Variants in RBM47 observed in about 807,000 individuals in gnomAD.
The protein encoded by RBM47 is RNA binding motif protein 47.
Under a neutral mutation model 47.1 loss-of-function variants are expected in RBM47, and 21 were observed. The ratio of observed to expected loss-of-function variants is 0.45; its 90% CI spans 0.32 to 0.64. The LOEUF is 0.64. Among genes scored for constraint, RBM47 ranks in the 30% least tolerant of loss-of-function variants. The pLI is 0.05. For missense variants in RBM47, 708 were observed against 870.9 expected (o/e 0.81, Z 2.35); for synonymous variants, 375 against 361.7 (o/e 1.04, Z -0.42).
intron 1 of RBM47, among the ~76,000 whole-genome samples, chr4:40,586,017 C>G (rs1733541945): frequency 6.6e-6 from 1 of 152,226 alleles, no homozygotes; most frequent in South Asian, 2.1e-4. Flanking sequence ...TTGATGGTTT[C>G]AAAGCTACTC....
At chr4:40,617,616 T>C (rs558057784) in intron 1 of RBM47, among the ~76,000 whole-genome samples, 1 of 151,736 alleles carries the variant, frequency 6.6e-6, no homozygotes, top group Admixed American at 6.6e-5. Flanking sequence ...ACATGCTAAA[T>C]ATATTAAATA....
chr4:40,586,422 G>C (rs893996513), intron 1 of RBM47, among the ~76,000 whole-genome samples: 22 of 151,946 alleles, frequency 1.4e-4, no homozygotes, highest in Non-Finnish European at 1.9e-4. Context: ...CCTGGGTGTG[G>C]AGTCAGACTT....
At chr4:40,612,117 T>A (rs949579645) in intron 1 of RBM47, among the ~76,000 whole-genome samples, 18 of 152,186 alleles carry the variant, frequency 1.2e-4, no homozygotes, top group Admixed American at 1.0e-3. Flanking sequence ...GAAAAGTAAA[T>A]ACTGCTTTAA....
At chr4:40,614,671 C>CAA (rs944891449) in intron 1 of RBM47, among the ~76,000 whole-genome samples, 2 of 118,062 alleles carry the variant, frequency 1.7e-5, no homozygotes, top group Non-Finnish European at 1.8e-5. Flanking sequence ...CCCATCTCTA[C>CAA]AAAAAAAAAA....
chr4:40,495,913 T>C (rs1722503346), intron 2 of RBM47, among the ~76,000 whole-genome samples: 1 of 152,190 alleles, frequency 6.6e-6, no homozygotes, highest in Non-Finnish European at 1.5e-5. Context: ...TTTTCACTGA[T>C]TATAGCTGAT....
At chr4:40,598,906 C>A (rs1232311467) in intron 1 of RBM47, among the ~76,000 whole-genome samples, 1 of 150,288 alleles carries the variant, frequency 6.7e-6, no homozygotes, top group Non-Finnish European at 1.5e-5. Flanking sequence ...TATTCATCAT[C>A]CTTGACTTCA....
chr4:40,514,672 G>A (rs1030368099), intron 2 of RBM47: 16 of 152,144 alleles, frequency 1.1e-4, no homozygotes, highest in African/African-American at 3.9e-4. Context: ...ACACCACTGA[G>A]GGAACACAAT....
At chr4:40,546,746 T>C (rs1242701977) in intron 1 of RBM47, among the ~76,000 whole-genome samples, 1 of 152,216 alleles carries the variant, frequency 6.6e-6, no homozygotes. Context: ...GTCCAACCTG[T>C]GTCACGAGTG....
At chr4:40,508,660 T>G (rs1724455632) in intron 2 of RBM47, among the ~76,000 whole-genome samples, 1 of 152,122 alleles carries the variant, frequency 6.6e-6, no homozygotes, top group South Asian at 2.1e-4. Flanking sequence ...TAATCTATGG[T>G]GATACAAGTC....
At chr4:40,537,982 GGCGTGT>G (rs33931310) in intron 2 of RBM47, among the ~76,000 whole-genome samples, 69,440 of 151,480 alleles carry the variant, frequency 0.46, 20,006 homozygotes, top group African/African-American at 0.83. Context: ...TAGGACTACA[GGCGTGT>G]GCGTGTGCCA....
At chr4:40,548,384 G>C (rs1158429286) in intron 1 of RBM47, among the ~76,000 whole-genome samples, 1 of 152,196 alleles carries the variant, frequency 6.6e-6, no homozygotes, top group Non-Finnish European at 1.5e-5. Context: ...AAGGAACCAG[G>C]AGCCCACATT....
Position 40,425,861 on chromosome 4 carries a change from T to G in RBM47, c.*43A>C, listed in dbSNP as rs1214593071. Reference sequence around the variant, plus strand: ...TCTTCATAAATAGTCAAGCGTTCCTTCAGTGGTGTTTGTGTGGTCTGTCTT... The same window carrying G: ...TCTTCATAAATAGTCAAGCGTTCCTGCAGTGGTGTTTGTGTGGTCTGTCTT... On this transcript the variant is annotated 3_prime_UTR_variant, in exon 7 of 7. Transcript: ENST00000295971. The G allele has an allele frequency of 6.3e-7, 1 of 1,598,290 alleles. No homozygotes were observed. Among genetic ancestry groups the G allele is most frequent in the Non-Finnish European group, 8.6e-7 (1 of 1,168,464 alleles).
chr4:40,619,323 G>T (rs1737043547), intron 1 of RBM47, among the ~76,000 whole-genome samples: 1 of 152,180 alleles, frequency 6.6e-6, no homozygotes, highest in South Asian at 2.1e-4. Context: ...AGCTTCTTGG[G>T]AGGCTGAGGC....
At chr4:40,562,665 C>G (rs966236469) in intron 1 of RBM47, among the ~76,000 whole-genome samples, 3 of 151,996 alleles carry the variant, frequency 2.0e-5, no homozygotes, top group African/African-American at 7.2e-5. Context: ...GAGGTTTCAC[C>G]ATGTTAGCCA....
chr4:40,589,691 G>A (rs62301866), intron 1 of RBM47, among the ~76,000 whole-genome samples: 28,810 of 152,196 alleles, frequency 0.19, 2,855 homozygotes, highest in East Asian at 0.22. Flanking sequence ...CACCCGCCTC[G>A]GCCTCCCGAA....
chr4:40,496,835 T>G (rs1722660824), intron 2 of RBM47, among the ~76,000 whole-genome samples: 1 of 150,920 alleles, frequency 6.6e-6, no homozygotes, highest in East Asian at 1.9e-4. Flanking sequence ...AGGTCAGGAG[T>G]TCGAGACTAG....
At chr4:40,573,782 A>AG (rs1491225115) in intron 1 of RBM47, among the ~76,000 whole-genome samples, 1 of 112,870 alleles carries the variant, frequency 8.9e-6, no homozygotes, top group African/African-American at 4.4e-5. Context: ...AGAAAGAAAG[A>AG]AAGAGAGAGA....
intron 2 of RBM47, among the ~76,000 whole-genome samples, chr4:40,533,548 C>T (rs962201148): frequency 2.0e-5 from 3 of 152,006 alleles, no homozygotes; most frequent in South Asian, 2.1e-4. Flanking sequence ...GTTATCTATA[C>T]ATTTTTAAAA....
chr4:40,610,039 C>T (rs1435572203), intron 1 of RBM47, among the ~76,000 whole-genome samples: 69 of 151,962 alleles, frequency 4.5e-4, no homozygotes, highest in Admixed American at 4.0e-3. Flanking sequence ...TGCAGTGACC[C>T]GAGATCACGC....
Sources: gnomAD v4.1 joint callset for allele counts (sites outside exome capture counted in the v4.1 genomes callset) on GRCh38, gnomAD v4.1.1 for gene constraint, MANE v1.5 for transcripts, NCBI Gene and HGNC (gene_info 2026-07-23, HGNC 2026-07-21) for gene names.